The following IL25 variants were observed in gnomAD, a reference collection of about 807,000 sequenced individuals.
The protein encoded by IL25 is interleukin 25, also known as interleukin-25.
A neutral mutation model predicts 13.2 loss-of-function variants in IL25; 10 were observed. The ratio of observed to expected loss-of-function variants is 0.76; its 90% confidence interval spans 0.47 to 1.29. The LOEUF is 1.29. IL25 is among the 50% of genes most tolerant of loss of function. The pLI, the probability that IL25 is intolerant of heterozygous loss-of-function variation, is 0.00. For missense variants in IL25, 235 were observed against 232.4 expected, an observed-to-expected ratio of 1.01 and a Z score of -0.07; for synonymous variants, 107 against 92.1, an observed-to-expected ratio of 1.16 and a Z score of -0.93.
chr14:23,375,560 A>G, intron 1 of IL25, 65 bp from the exon 3 acceptor site: 1 of 1,564,964 alleles, frequency 6.4e-7, no homozygotes, highest in East Asian at 2.3e-5. Flanking sequence ...TGGCACTCCC[A>G]TGCCACCCCA....
intron 1 of IL25, among the ~76,000 whole-genome samples, chr14:23,375,287 T>A (rs1890512809): frequency 6.6e-6 from 1 of 152,058 alleles, no homozygotes; most frequent in Non-Finnish European, 1.5e-5. Flanking sequence ...ACACCTAAAG[T>A]GTAATCATTA....
exon 1 of IL25, chr14:23,373,068 G>A: frequency 6.2e-7 from 1 of 1,614,050 alleles, no homozygotes; most frequent in Non-Finnish European, 8.5e-7. Context: ...CCAGGTTTGG[G>A]GCTGGGGGCC....
chr14:23,375,501 C>A, intron 1 of IL25, 124 bp from the exon 3 acceptor site: 1 of 1,213,392 alleles, frequency 8.2e-7, no homozygotes, highest in Non-Finnish European at 1.2e-6. Flanking sequence ...CAAGTGGGTT[C>A]AGAACTGAGA....
At chr14:23,374,587 T>A (rs1464013079) in intron 1 of IL25, among the ~76,000 whole-genome samples, 1 of 152,224 alleles carries the variant, frequency 6.6e-6, no homozygotes, top group Admixed American at 6.5e-5. Context: ...TGGGAAGTGA[T>A]GTGCTAGCTA....
chr14:23,373,153 C>A (rs767891326), exon 1 of IL25: 1 of 1,614,178 alleles, frequency 6.2e-7, no homozygotes, highest in Non-Finnish European at 8.5e-7. Flanking sequence ...GAGGACAGTT[C>A]TCTCATTAGC....
At chr14:23,372,866 G>T in exon 1 of IL25, 6 of 1,097,948 alleles carry the variant, frequency 5.5e-6, no homozygotes, top group Non-Finnish European at 8.1e-6. Flanking sequence ...AAACAGGCTT[G>T]CTGAAAATAA....
intron 1 of IL25, among the ~76,000 whole-genome samples, chr14:23,373,694 T>C (rs1890473255): frequency 6.6e-6 from 1 of 152,214 alleles, no homozygotes; most frequent in African/African-American, 2.4e-5. Context: ...TCTGTATTTA[T>C]GTTGGTTCTC....
At chr14:23,375,759 C>T (rs766091366) in exon 2 of IL25, 3 of 1,614,264 alleles carry the variant, frequency 1.9e-6, no homozygotes, top group South Asian at 2.2e-5. Flanking sequence ...CACAACCAGA[C>T]TGTCTTCTAC....
chr14:23,374,158 C>T (rs886528058), intron 1 of IL25, among the ~76,000 whole-genome samples: 7 of 152,026 alleles, frequency 4.6e-5, no homozygotes, highest in African/African-American at 1.5e-4. Context: ...TCAGATCTAA[C>T]TGAGATTGGA....
chr14:23,375,169 G>A lies in IL25; in HGVS notation c.279-456G>A, dbSNP rs537017447. 1.4e-3 allele frequency among the ~76,000 whole-genome samples: 213 copies of A among 152,212 alleles called. 8 individuals carry two copies. Among genetic ancestry groups the A allele is most frequent in the Admixed American group, 0.014 (211 of 15,300 alleles). On this transcript the variant is annotated intron_variant, in intron 1 of 1. Transcript: ENST00000329715. The stretch of plus-strand genomic sequence containing the variant: ...GTGGCGGGCATCAGGAGAATCGCTC[G>A]AACCCAGGAGGTAGAGGTTGCAGTT...
rs761410727 is a variant in IL25, at chr14:23,375,836, GT to G, written c.493del (p.Ser165ProfsTer2). 2.3e-5 allele frequency: 37 copies of G among 1,614,144 alleles called. 1 individual carries two copies. In the East Asian group the frequency reaches 8.2e-4, roughly 36 times the overall value. On this transcript the variant is annotated frameshift_variant, in exon 2 of 2. Transcript: ENST00000329715. LOFTEE classifies it high-confidence loss of function. ...CTGCCTGGAGCGCAGGCTGTACCGTGTTTCCTTAGCTTGTGTGTGTGTGCGG... is the reference window on the plus strand; with the variant it reads ...CTGCCTGGAGCGCAGGCTGTACCGTGTTCCTTAGCTTGTGTGTGTGTGCGG...
At chr14:23,374,027 A>G (rs1428183092) in intron 1 of IL25, among the ~76,000 whole-genome samples, 1 of 152,212 alleles carries the variant, frequency 6.6e-6, no homozygotes, top group Non-Finnish European at 1.5e-5. Flanking sequence ...TGAATGATGA[A>G]GCAAAATATT....
rs149802556 is a variant in IL25 at position 23,375,852 on chromosome 14, T to C, written c.506T>C (p.Val169Ala). The C allele has an allele frequency of 4.0e-5, 64 of 1,614,090 alleles. No homozygotes were observed. In the African/African-American group the frequency reaches 7.3e-4, roughly 19 times the overall value. Residue 169 changes from valine to alanine, a missense_variant, in exon 2 of 2, where the codon GTG becomes GCG. Coordinates refer to ENST00000329715, the Ensembl canonical transcript of IL25. ...CTGTACCGTGTTTCCTTAGCTTGTG[T>C]GTGTGTGCGGCCCCGTGTGATGGGC...
chr14:23,373,368 A>G (rs754211073), exon 1 of IL25: 6 of 1,613,030 alleles, frequency 3.7e-6, no homozygotes, highest in Non-Finnish European at 8.5e-7. Context: ...ACCCCTCAAC[A>G]GCAGGGCCAT....
intron 1 of IL25, among the ~76,000 whole-genome samples, chr14:23,373,780 C>G (rs1020730451): frequency 1.2e-4 from 18 of 152,230 alleles, no homozygotes; most frequent in Admixed American, 3.3e-4. Flanking sequence ...TGGCATGATA[C>G]AGGCATGAAG....
exon 1 of IL25, chr14:23,373,226 G>T: frequency 6.2e-7 from 1 of 1,614,172 alleles, no homozygotes; most frequent in Non-Finnish European, 8.5e-7. Flanking sequence ...ACAGCCACTG[G>T]CCCAGCTGCT....
chr14:23,372,837 A>G, upstream of IL25: 2 of 866,850 alleles, frequency 2.3e-6, no homozygotes, highest in Non-Finnish European at 3.7e-6. Flanking sequence ...AAGACAGTGG[A>G]AATAAATTTG....
At chr14:23,375,693 T>C in exon 2 of IL25, 1 of 1,614,146 alleles carries the variant, frequency 6.2e-7, no homozygotes. Flanking sequence ...CCGCACTGCG[T>C]CAGCCTACAG....
chr14:23,375,572 CCT>C (rs1177466024), intron 1 of IL25, 51 bp from the exon 3 acceptor site: 4 of 1,587,046 alleles, frequency 2.5e-6, no homozygotes, highest in African/African-American at 1.3e-5. Context: ...GCCACCCCAC[CCT>C]CTCTGTTTCC....
Sources: gnomAD v4.1 joint callset for allele counts (sites outside exome capture counted in the v4.1 genomes callset) on GRCh38, gnomAD v4.1.1 for gene constraint, MANE v1.5 for transcripts, NCBI Gene and HGNC (gene_info 2026-07-23, HGNC 2026-07-21) for gene names.